Variants in WDR87 observed in about 807,000 individuals in gnomAD.
The protein encoded by WDR87 is WD repeat domain 87, also known as WD repeat-containing protein 87.
A neutral mutation model predicts 83.3 loss-of-function variants in WDR87; 56 were observed. The observed-to-expected ratio is 0.67, with a 90% CI of 0.54 to 0.84. WDR87 has a LOEUF of 0.84. Among genes scored for constraint, WDR87 ranks in the 40% least tolerant of loss-of-function variants. The probability of loss-of-function intolerance (pLI) is 0.00; values close to 1 mark genes in which losing one functional copy is unlikely to be tolerated. For synonymous variants in WDR87, 1,173 were observed against 1,250.6 expected (o/e 0.94, Z 1.31); for missense variants, 2,939 against 3,431.9 (o/e 0.86, Z 3.59).
rs973879545 is a variant in WDR87 at position 37,888,640 on chromosome 19, G to A, written c.5031C>T (p.Ala1677=). 2.6e-6 allele frequency: 4 copies of A among 1,551,302 alleles called. No homozygotes were observed. The African/African-American group carries it at 4.1e-5, about 16-fold the overall frequency. The change falls in exon 6 of 6, where the codon GCC becomes GCT. Residue 1677 remains alanine (A), a synonymous_variant. Coordinates refer to ENST00000447313, the MANE Select transcript of WDR87 (RefSeq NM_001291088.2). ...REMAQAEGKF[A]QKEETLAQRG... ...TTTGGGCCAGTGTTTCCTCTTTCTG[G>A]GCAAACTTACCCTCTGCCTGGGCCA...
In WDR87 at chr19:37,888,328, C is replaced by G; in HGVS notation, c.5343G>C (p.Leu1781=). The G allele has an allele frequency of 6.4e-7, 1 of 1,551,544 alleles. No individual in the cohort carries two copies. Among genetic ancestry groups the G allele is most frequent in the Non-Finnish European group, 8.7e-7 (1 of 1,146,992 alleles). ...EEELNQEEGK[L]VEEKKKLAEE... ...CAGCCAGTTTCTTCTTTTCCTCAAC[C>G]AGTTTCCCCTCTTCCTGATTCAGTT... is the stretch of plus-strand genomic sequence containing the variant. Residue 1781 remains leucine (L), a synonymous_variant, in exon 6 of 6, where the codon CTG becomes CTC. Coordinates refer to ENST00000447313, the MANE Select transcript of WDR87 (RefSeq NM_001291088.2).
At chr19:37,896,718 A>G (rs1301511375) in intron 2 of WDR87, among the ~76,000 whole-genome samples, 2 of 152,138 alleles carry the variant, frequency 1.3e-5, no homozygotes, top group East Asian at 3.8e-4. Context: ...TCCCAGGTTC[A>G]AGCGATTCTC....
intron 1 of WDR87, among the ~76,000 whole-genome samples, chr19:37,898,771 AG>A (rs1248955103): frequency 1.3e-5 from 2 of 152,218 alleles, no homozygotes; most frequent in African/African-American, 4.8e-5. Context: ...GTTCTCAGAC[AG>A]GTGACCACTC....
chr19:37,899,128 T>C (rs1196196609), intron 1 of WDR87, among the ~76,000 whole-genome samples: 1 of 151,916 alleles, frequency 6.6e-6, no homozygotes, highest in African/African-American at 2.4e-5. Flanking sequence ...TTTTAAGAGA[T>C]AGGGTTTTGG....
Position 37,888,029 on chromosome 19 carries a change from T to C in WDR87, c.5642A>G (p.Glu1881Gly), listed in dbSNP as rs73623870. Residue 1881 changes from glutamate to glycine, a missense_variant, in exon 6 of 6, where the codon GAA (glutamate) becomes GGA (glycine). Around this residue, in one of 3 missense-constraint regions of WDR87, gnomAD observed 2,160 missense variants for 2,533.1 expected, o/e 0.85. Coordinates refer to ENST00000447313, the MANE Select transcript of WDR87 (RefSeq NM_001291088.2). ...ILYQKKNLAQ[E>G]KKNLAQEKEK... ...CTTCTCCTGGGCCAGATTCTTCTTTTCCTGAGCCAGATTCTTCTTCTGGTA... is the reference window on the plus strand; with the variant it reads ...CTTCTCCTGGGCCAGATTCTTCTTTCCCTGAGCCAGATTCTTCTTCTGGTA... 3.4e-3 allele frequency: 5,305 copies of C among 1,551,406 alleles called. 157 individuals are homozygous for C. The African/African-American group carries it at 0.063, about 18-fold the overall frequency.
chr19:37,888,234 C>T lies in WDR87; in HGVS notation c.5437G>A (p.Glu1813Lys). 6.4e-7 allele frequency: 1 copy of T among 1,552,084 alleles called. No individual in the cohort carries two copies. The highest frequency in any genetic ancestry group is 8.7e-7 in the Non-Finnish European group (1 of 1,147,100). ...TCCTTTTCCTGGATCAGCAACTCTT[C>T]TTCCTGGGCCAGTTTTGTCTCTTCT... ...SEEETKLAQE[E>K]ELLIQEKEKL... The change falls in exon 6 of 6, where the codon GAA becomes AAA. Residue 1813 changes from glutamate to lysine, a missense_variant. Physicochemically the swap from Glu to Lys is moderately conservative, Grantham distance 56. This residue lies in a region of WDR87 where 2,160 missense variants were observed against 2,533.1 expected (regional missense o/e 0.85). Transcript: ENST00000447313.
Position 37,889,478 on chromosome 19 carries a change from C to T in WDR87, c.4193G>A (p.Gly1398Asp). 6.4e-7 allele frequency: 1 copy of T among 1,551,800 alleles called. No individual in the cohort carries two copies. The highest frequency in any genetic ancestry group is 8.7e-7 in the Non-Finnish European group (1 of 1,147,034). Residue 1398 changes from glycine (G) to aspartate (D), a missense_variant, in exon 6 of 6, where the codon GGC becomes GAC. Coordinates refer to ENST00000447313, the MANE Select transcript of WDR87 (RefSeq NM_001291088.2). ...QAQKKARDML[G>D]LEETQVILKK... ...CAAAATCACTTGGGTTTCCTCCAAG[C>T]CCAGCATGTCTCTTGCTTTCTTTTG... is the stretch of plus-strand genomic sequence containing the variant.
intron 1 of WDR87, among the ~76,000 whole-genome samples, chr19:37,904,716 A>G (rs1040699175): frequency 5.3e-5 from 8 of 152,158 alleles, no homozygotes; most frequent in Admixed American, 6.6e-5. Context: ...TTTTCTCTTA[A>G]TATACCTTTA....
rs991067154 is a variant in WDR87 at position 37,885,313 on chromosome 19, G to A, written c.8358C>T (p.Ser2786=). The A allele has an allele frequency of 6.4e-7, 1 of 1,551,156 alleles. No homozygotes were observed. Among genetic ancestry groups the A allele is most frequent in the Admixed American group, 2.0e-5 (1 of 50,942 alleles). Residue 2786 remains serine (S), a synonymous_variant, in exon 6 of 6, where the codon AGC becomes AGT. Transcript: ENST00000447313. ...GGTAGAACTGTTCCATCCAAGCAGT[G>A]CTGTCTTTTGGATATCGCTGCTGCA... ...RMLQQRYPKD[S]TAWMEQFYQL...
chr19:37,900,394 C>G (rs2046285676), intron 1 of WDR87, among the ~76,000 whole-genome samples: 1 of 151,666 alleles, frequency 6.6e-6, no homozygotes, highest in Non-Finnish European at 1.5e-5. Flanking sequence ...AACCCTGTCT[C>G]TACTAAAAAT....
chr19:37,897,958 G>A (rs991123724), intron 2 of WDR87, among the ~76,000 whole-genome samples: 1 of 152,118 alleles, frequency 6.6e-6, no homozygotes, highest in Non-Finnish European at 1.5e-5. Context: ...ATCCTCCAGA[G>A]TGTCCACTTT....
chr19:37,886,678 C>A lies in WDR87; in HGVS notation c.6993G>T (p.Lys2331Asn), dbSNP rs962452831. The change falls in exon 6 of 6, where the codon AAG becomes AAT. Residue 2331 changes from lysine to asparagine, a missense_variant. Transcript: ENST00000447313. ...KEEEEKKKKK[K>N]EKKKEEVQEK... ...CCTGAACCTCCTCCTTCTTCTTTTCCTTTTTCTTCTTCTTCTTCTCCTCCT... is the reference window on the plus strand; with the variant it reads ...CCTGAACCTCCTCCTTCTTCTTTTCATTTTTCTTCTTCTTCTTCTCCTCCT... The A allele has an allele frequency of 8.8e-6, 13 of 1,483,942 alleles. No individual in the cohort carries two copies. In the African/African-American group the frequency reaches 1.8e-4, roughly 21 times the overall value. 91.9% of individuals were successfully genotyped at this position (1,483,942 alleles called of 1,614,324 possible). A position where few individuals can be genotyped will look rare whatever the true frequency, so the allele number is the denominator to read the frequency against.
At chr19:37,890,711 T>C (rs2046197945) in intron 5 of WDR87, among the ~76,000 whole-genome samples, 1 of 152,208 alleles carries the variant, frequency 6.6e-6, no homozygotes, top group Non-Finnish European at 1.5e-5. Context: ...AGTCAACATC[T>C]ATCTACCCTT....
At position 37,898,292 on chromosome 19, in the gene WDR87, G is replaced by C; in HGVS notation, c.-46-7C>G. 2.0e-6 allele frequency: 3 copies of C among 1,536,102 alleles called. No homozygotes were observed. Reference sequence around the variant, plus strand: ...AGGACTGTTGCTTAAAAACCTGTGGGAATCCAAAAGAGCCCAGCTTAGTCA... The same window carrying C: ...AGGACTGTTGCTTAAAAACCTGTGGCAATCCAAAAGAGCCCAGCTTAGTCA... On this transcript the variant is annotated splice_region_variant and splice_polypyrimidine_tract_variant and intron_variant, in intron 1 of 5. Coordinates refer to ENST00000447313, the MANE Select transcript of WDR87 (RefSeq NM_001291088.2).
chr19:37,900,560 C>CAAAAAAAAAAAAAAAAAAAAAAAAAAAA (rs58946958), intron 1 of WDR87, among the ~76,000 whole-genome samples: 13 of 78,082 alleles, frequency 1.7e-4, no homozygotes, highest in Admixed American at 3.3e-4. Flanking sequence ...GACTCCGTCT[C>CAAAAAAAAAAAAAAAAAAAAAAAAAAAA]AAAAAAAAAA....
At chr19:37,904,633 C>T (rs1459984006) in intron 1 of WDR87, among the ~76,000 whole-genome samples, 1 of 152,128 alleles carries the variant, frequency 6.6e-6, no homozygotes, top group Non-Finnish European at 1.5e-5. Context: ...GGATTACAGG[C>T]GTGAGCCACT....
chr19:37,885,973 CCACT>C lies in WDR87; in HGVS notation c.7694_7697del (p.Glu2565GlyfsTer6). 2.6e-6 allele frequency: 4 copies of C among 1,552,078 alleles called. No individual in the cohort carries two copies. The highest frequency in any genetic ancestry group is 3.5e-6 in the Non-Finnish European group (4 of 1,147,068). On this transcript the variant is annotated frameshift_variant, in exon 6 of 6. Transcript: ENST00000447313. LOFTEE classifies it low-confidence loss of function (END_TRUNC). The stretch of plus-strand genomic sequence containing the variant: ...CCATTCGTTCTAGGACATGGCGGAT[CCACT>C]CTACATCTGAGAGGCTTACGTCTGC...
chr19:37,906,643 G>A (rs2046332427), upstream of WDR87: 1 of 151,986 alleles, frequency 6.6e-6, no homozygotes, highest in South Asian at 2.1e-4. Context: ...CCCGCAGCCG[G>A]CGGACTTCCC....
chr19:37,889,037 T>G lies in WDR87; in HGVS notation c.4634A>C (p.Glu1545Ala), dbSNP rs750339300. ...LHQAGEKLSP[E>A]EEMLQEDKKL... Reference sequence around the variant, plus strand: ...CTTGTCCTCCTGAAGCATTTCCTCCTCCGGGGATAGCTTCTCTCCAGCCTG... The same window carrying G: ...CTTGTCCTCCTGAAGCATTTCCTCCGCCGGGGATAGCTTCTCTCCAGCCTG... Residue 1545 changes from glutamate to alanine, a missense_variant, in exon 6 of 6, where the codon GAG becomes GCG. Around this residue, in one of 3 missense-constraint regions of WDR87, gnomAD observed 2,160 missense variants for 2,533.1 expected, o/e 0.85. Transcript: ENST00000447313. The G allele has an allele frequency of 5.6e-5, 87 of 1,551,964 alleles. No individual in the cohort carries two copies. Among genetic ancestry groups the G allele is most frequent in the Non-Finnish European group, 6.8e-5 (78 of 1,147,090 alleles).
Sources: gnomAD v4.1 joint callset for allele counts (sites outside exome capture counted in the v4.1 genomes callset) on GRCh38, gnomAD v4.1.1 for gene constraint, gnomAD v4.1.1 regional missense constraint, MANE v1.5 for transcripts, NCBI Gene and HGNC (gene_info 2026-07-23, HGNC 2026-07-21) for gene names.